LRP1B: variants seen among roughly 807,000 people sequenced by gnomAD.
The protein encoded by LRP1B is low-density lipoprotein receptor-related protein 1B.
A neutral mutation model predicts 556.6 loss-of-function variants in LRP1B; 217 were observed. That is an observed-to-expected ratio of 0.39 (90% CI 0.35 to 0.44). LRP1B has a LOEUF of 0.44. Among genes scored for constraint, LRP1B ranks in the 20% least tolerant of loss-of-function variants. LRP1B has a pLI of 1.00. For missense variants in LRP1B, 5,053 were observed against 5,620.8 expected (o/e 0.90, Z 3.23); for synonymous variants, 2,047 against 1,865.8 (o/e 1.10, Z -2.50).
At chr2:140,615,768 C>CCTTTTACTAGGCTCTTCT (rs58884582) in intron 41 of LRP1B, among the ~76,000 whole-genome samples, 1 of 152,002 alleles carries the variant, frequency 6.6e-6, no homozygotes, top group Non-Finnish European at 1.5e-5. Flanking sequence ...AACATGCCTT[C>CCTTTTACTAGGCTCTTCT]CTCACCTCTT....
At chr2:141,795,425 G>A (rs575800122) in intron 2 of LRP1B, among the ~76,000 whole-genome samples, 34 of 152,134 alleles carry the variant, frequency 2.2e-4, no homozygotes, top group African/African-American at 8.2e-4. Context: ...AGCCCTTGAG[G>A]GAAGATGGAA....
intron 1 of LRP1B, among the ~76,000 whole-genome samples, chr2:141,850,221 T>C (rs954529879): frequency 2.6e-5 from 4 of 151,638 alleles, no homozygotes; most frequent in African/African-American, 9.7e-5. Flanking sequence ...GCAGAAGTCA[T>C]TTTTATGCTT....
At chr2:140,348,995 C>G (rs1446290381) in intron 77 of LRP1B, among the ~76,000 whole-genome samples, 1 of 152,106 alleles carries the variant, frequency 6.6e-6, no homozygotes, top group Non-Finnish European at 1.5e-5. Context: ...CTCGCATCCA[C>G]ATTTCACAGA....
chr2:141,562,412 C>T (rs1686189627), intron 2 of LRP1B, among the ~76,000 whole-genome samples: 1 of 151,912 alleles, frequency 6.6e-6, no homozygotes, highest in Admixed American at 6.6e-5. Context: ...CTTACTCCCT[C>T]AGTATAGTAC....
At chr2:140,507,793 C>A in intron 52 of LRP1B, among the ~76,000 whole-genome samples, 1 of 152,202 alleles carries the variant, frequency 6.6e-6, no homozygotes, top group Middle Eastern at 3.4e-3. Context: ...CCGCTATATG[C>A]TATTGTAGAA....
intron 3 of LRP1B, among the ~76,000 whole-genome samples, chr2:141,385,848 C>A (rs529687729): frequency 1.3e-5 from 2 of 152,178 alleles, no homozygotes; most frequent in Non-Finnish European, 2.9e-5. Flanking sequence ...ACAGTTGATG[C>A]AGGTCATACT....
At chr2:141,269,838 A>G (rs1478499541) in intron 3 of LRP1B, among the ~76,000 whole-genome samples, 2 of 152,204 alleles carry the variant, frequency 1.3e-5, no homozygotes, top group Non-Finnish European at 2.9e-5. Flanking sequence ...AAATTAGCAG[A>G]CAAAGACTTC....
At chr2:141,047,831 C>T (rs1457580072) in intron 11 of LRP1B, among the ~76,000 whole-genome samples, 1 of 152,048 alleles carries the variant, frequency 6.6e-6, no homozygotes, top group Non-Finnish European at 1.5e-5. Context: ...GTTGCAGAAA[C>T]ATCCTCCTCT....
At chr2:141,169,800 C>CAAAAAA (rs574461113) in intron 7 of LRP1B, among the ~76,000 whole-genome samples, 19 of 87,326 alleles carry the variant, frequency 2.2e-4, no homozygotes, top group South Asian at 7.4e-4. Flanking sequence ...ACACCTTAAC[C>CAAAAAA]AAAAAAAAAA....
chr2:142,130,370 A>G (rs536678762), intron 1 of LRP1B, among the ~76,000 whole-genome samples: 12 of 152,316 alleles, frequency 7.9e-5, no homozygotes, highest in Non-Finnish European at 1.3e-4. Context: ...TCGCGGACAG[A>G]AGCGCACAGC....
chr2:142,016,154 T>G (rs1218309875), intron 1 of LRP1B, among the ~76,000 whole-genome samples: 1 of 152,074 alleles, frequency 6.6e-6, no homozygotes, highest in Admixed American at 6.5e-5. Flanking sequence ...CCAATTAGAA[T>G]GGCGATCATT....
intron 1 of LRP1B, among the ~76,000 whole-genome samples, chr2:142,063,931 T>C (rs1401019580): frequency 6.6e-6 from 1 of 151,586 alleles, no homozygotes; most frequent in Non-Finnish European, 1.5e-5. Flanking sequence ...TATAAATGAC[T>C]ATGGACCTTA....
intron 18 of LRP1B, among the ~76,000 whole-genome samples, chr2:140,954,853 T>G (rs545749646): frequency 2.6e-5 from 4 of 152,106 alleles, no homozygotes; most frequent in African/African-American, 9.6e-5. Flanking sequence ...ATAGTCCAAC[T>G]TAGCTTATGG....
rs540736662 is a variant in LRP1B, at chr2:140,792,429, A to G, written c.5360-16191T>C. Among the ~76,000 whole-genome samples the G allele has an allele frequency of 2.0e-5, 3 of 152,292 alleles. No homozygotes were observed. The South Asian group carries it at 6.2e-4, about 32-fold the overall frequency. ...TTCGGGTCATATGTATTTTTATACA[A>G]GACACTTTTGCTCATTATTTGAGAT... On this transcript the variant is annotated intron_variant, in intron 32 of 90. Coordinates refer to ENST00000389484, the MANE Select transcript of LRP1B (RefSeq NM_018557.3).
intron 1 of LRP1B, among the ~76,000 whole-genome samples, chr2:141,938,059 T>A (rs944410557): frequency 6.6e-6 from 1 of 152,198 alleles, no homozygotes; most frequent in Admixed American, 6.5e-5. Context: ...TATGTGTCTT[T>A]TTTTATGCCA....
chr2:140,364,656 C>T lies in LRP1B; in HGVS notation c.11131+5G>A, dbSNP rs368504972. The T allele has an allele frequency of 2.5e-6, 4 of 1,608,490 alleles. No individual in the cohort carries two copies. The highest frequency in any genetic ancestry group is 1.3e-5 in the African/African-American group (1 of 74,586). Reference sequence around the variant, plus strand: ...TATAATCTAGAGCCACGTGAAATGCCATACCACACATATCAGGGGCTTCAT... The same window carrying T: ...TATAATCTAGAGCCACGTGAAATGCTATACCACACATATCAGGGGCTTCAT... On this transcript the variant is annotated splice_donor_5th_base_variant and intron_variant, in intron 72 of 90. Coordinates refer to ENST00000389484, the MANE Select transcript of LRP1B (RefSeq NM_018557.3).
chr2:140,566,933 G>A (rs1310153036), intron 43 of LRP1B, among the ~76,000 whole-genome samples: 1 of 152,064 alleles, frequency 6.6e-6, no homozygotes, highest in Non-Finnish European at 1.5e-5. Context: ...AACAGTTCCT[G>A]GGCTACCTAG....
intron 20 of LRP1B, among the ~76,000 whole-genome samples, chr2:140,943,794 C>T (rs576095221): frequency 8.6e-5 from 13 of 151,998 alleles, no homozygotes; most frequent in Non-Finnish European, 1.6e-4. Context: ...AAGTTTATAG[C>T]ACTAAACATC....
chr2:141,833,589 C>T (rs1487963644), intron 1 of LRP1B, among the ~76,000 whole-genome samples: 1 of 151,792 alleles, frequency 6.6e-6, no homozygotes, highest in East Asian at 1.9e-4. Context: ...TTCATCCAAA[C>T]ATGAGTAACC....
Sources: gnomAD v4.1 joint callset for allele counts (sites outside exome capture counted in the v4.1 genomes callset) on GRCh38, gnomAD v4.1.1 for gene constraint, MANE v1.5 for transcripts, NCBI Gene and HGNC (gene_info 2026-07-23, HGNC 2026-07-21) for gene names.